The following LRP1B variants were observed in gnomAD, a reference collection of about 807,000 sequenced individuals.
LRP1B encodes low-density lipoprotein receptor-related protein 1B.
LRP1B carries 217 observed loss-of-function variants against 556.6 expected under a neutral mutation model. That is an observed-to-expected ratio of 0.39 (90% CI 0.35 to 0.44). The LOEUF (loss-of-function observed/expected upper bound fraction) is 0.44, where lower values mean the gene tolerates loss of function less well. Among genes scored for constraint, LRP1B ranks in the 20% least tolerant of loss-of-function variants. LRP1B has a pLI of 1.00. For missense variants in LRP1B, 5,053 were observed against 5,620.8 expected, an observed-to-expected ratio of 0.90 and a Z score of 3.23; for synonymous variants, 2,047 against 1,865.8, an observed-to-expected ratio of 1.10 and a Z score of -2.50.
intron 41 of LRP1B, among the ~76,000 whole-genome samples, chr2:140,692,483 T>C (rs1169636082): frequency 6.6e-6 from 1 of 152,158 alleles, no homozygotes; most frequent in Admixed American, 6.5e-5. Context: ...ATCAATTGTG[T>C]GTGAAAGTCT....
In LRP1B at chr2:141,496,567, G is replaced by A. The variant is rs143088147; in HGVS notation, c.206-16034C>T. On this transcript the variant is annotated intron_variant, in intron 2 of 90. Coordinates refer to ENST00000389484, the MANE Select transcript of LRP1B (RefSeq NM_018557.3). Reference sequence around the variant, plus strand: ...TCAACCACGAATTAAACACGATGTCGCTTACAGAAGAACATGCACACTTAG... The same window carrying A: ...TCAACCACGAATTAAACACGATGTCACTTACAGAAGAACATGCACACTTAG... 1.5e-3 allele frequency among the ~76,000 whole-genome samples: 221 copies of A among 152,064 alleles called. 1 individual carries two copies. Among genetic ancestry groups the A allele is most frequent in the African/African-American group, 4.9e-3 (205 of 41,520 alleles).
chr2:141,843,350 A>G (rs917974723), intron 1 of LRP1B, among the ~76,000 whole-genome samples: 1 of 152,132 alleles, frequency 6.6e-6, no homozygotes, highest in Non-Finnish European at 1.5e-5. Context: ...TGCTGTCCTG[A>G]ATTTCATCCA....
intron 88 of LRP1B, among the ~76,000 whole-genome samples, chr2:140,238,721 T>C (rs776364422): frequency 1.3e-5 from 2 of 150,838 alleles, no homozygotes; most frequent in African/African-American, 2.4e-5. Flanking sequence ...CAAGTGCAAG[T>C]TTGTTACGTG....
At chr2:141,295,037 A>G (rs1686129723) in intron 3 of LRP1B, among the ~76,000 whole-genome samples, 1 of 152,066 alleles carries the variant, frequency 6.6e-6, no homozygotes, top group Admixed American at 6.6e-5. Context: ...AATATTTTTT[A>G]TTAGTATAAC....
intron 23 of LRP1B, among the ~76,000 whole-genome samples, chr2:140,888,020 G>A (rs1295743467): frequency 6.6e-6 from 1 of 152,116 alleles, no homozygotes; most frequent in African/African-American, 2.4e-5. Context: ...CTTATGGTAT[G>A]TAAATTATAT....
At chr2:140,985,893 AT>A (rs1482225171) in intron 17 of LRP1B, among the ~76,000 whole-genome samples, 2 of 151,980 alleles carry the variant, frequency 1.3e-5, no homozygotes, top group South Asian at 2.1e-4. Flanking sequence ...TAAGAAAAAA[AT>A]GTATGTACTT....
At chr2:140,593,860 C>T (rs184779524) in intron 43 of LRP1B, among the ~76,000 whole-genome samples, 7 of 152,064 alleles carry the variant, frequency 4.6e-5, no homozygotes, top group African/African-American at 1.7e-4. Context: ...TTTCTCTGGT[C>T]TACTGATAAG....
intron 7 of LRP1B, among the ~76,000 whole-genome samples, chr2:141,097,394 A>AGTATCTG (rs1171299752): frequency 2.0e-5 from 3 of 152,210 alleles, no homozygotes; most frequent in African/African-American, 7.2e-5. Flanking sequence ...CTATTAAGCA[A>AGTATCTG]GTATCTGTGA....
chr2:141,728,827 ACT>A (rs1693151673), intron 2 of LRP1B, among the ~76,000 whole-genome samples: 1 of 152,014 alleles, frequency 6.6e-6, no homozygotes, highest in African/African-American at 2.4e-5. Context: ...TCATTGATTG[ACT>A]CTATCCGCTC....
chr2:141,850,277 C>T (rs1202595407), intron 1 of LRP1B, among the ~76,000 whole-genome samples: 4 of 151,522 alleles, frequency 2.6e-5, no homozygotes, highest in African/African-American at 9.7e-5. Context: ...AATAGTGGTA[C>T]TTAGCAAAAC....
intron 35 of LRP1B, among the ~76,000 whole-genome samples, chr2:140,727,035 G>A (rs897063606): frequency 2.0e-5 from 3 of 152,070 alleles, no homozygotes; most frequent in African/African-American, 7.2e-5. Flanking sequence ...GCAATAAAAT[G>A]TTAAAATCTT....
chr2:141,194,031 T>A (rs1196042381), intron 6 of LRP1B, among the ~76,000 whole-genome samples: 2 of 152,118 alleles, frequency 1.3e-5, no homozygotes, highest in African/African-American at 4.8e-5. Flanking sequence ...GTAGAAAAGA[T>A]AACTGCAAAG....
intron 3 of LRP1B, among the ~76,000 whole-genome samples, chr2:141,287,849 A>C (rs1479550097): frequency 5.3e-5 from 8 of 152,226 alleles, no homozygotes; most frequent in Admixed American, 5.2e-4. Context: ...CTGATAAGAA[A>C]TGGGAATTAA....
intron 31 of LRP1B, among the ~76,000 whole-genome samples, chr2:140,828,914 G>T (rs1203572799): frequency 6.6e-6 from 1 of 151,580 alleles, no homozygotes. Flanking sequence ...ACACACATCG[G>T]CTGAAAGTAA....
chr2:140,313,635 CCAAA>C (rs1371304936), intron 83 of LRP1B, among the ~76,000 whole-genome samples: 1 of 151,766 alleles, frequency 6.6e-6, no homozygotes, highest in Non-Finnish European at 1.5e-5. Context: ...AATAAAATTT[CCAAA>C]CAATTAATTT....
chr2:141,662,376 A>G (rs1558788642), intron 2 of LRP1B, among the ~76,000 whole-genome samples: 1 of 152,200 alleles, frequency 6.6e-6, no homozygotes, highest in Non-Finnish European at 1.5e-5. Flanking sequence ...ATTAAAAGAC[A>G]CAGAATGACA....
chr2:140,521,285 T>A (rs1347683918), intron 49 of LRP1B, among the ~76,000 whole-genome samples: 1 of 151,978 alleles, frequency 6.6e-6, no homozygotes, highest in East Asian at 1.9e-4. Context: ...AAAAGAAGTT[T>A]GAAAGCAGCT....
At chr2:141,341,924 C>G (rs772483681) in intron 3 of LRP1B, among the ~76,000 whole-genome samples, 5 of 151,982 alleles carry the variant, frequency 3.3e-5, no homozygotes, top group African/African-American at 1.2e-4. Flanking sequence ...CCTGCATAAT[C>G]AAAATGTTAA....
chr2:140,748,422 ATAT>A (rs1309812651), intron 35 of LRP1B, among the ~76,000 whole-genome samples: 10 of 108,778 alleles, frequency 9.2e-5, no homozygotes, highest in Non-Finnish European at 1.8e-4. Context: ...TATATAATAT[ATAT>A]TATATTTATA....
Sources: allele counts gnomAD v4.1 joint callset (sites outside exome capture counted in the v4.1 genomes callset), GRCh38; gene constraint gnomAD v4.1.1; transcripts MANE v1.5; gene names NCBI Gene and HGNC (gene_info 2026-07-23, HGNC 2026-07-21).